KIF26B: variants seen among roughly 807,000 people sequenced by gnomAD.
KIF26B encodes kinesin-like protein KIF26B.
KIF26B carries 63 observed loss-of-function variants against 151.2 expected under a neutral mutation model. That is an observed-to-expected ratio of 0.42 (90% CI 0.34 to 0.51). KIF26B has a LOEUF of 0.51. Ranked by LOEUF, KIF26B falls within the 20% of genes least tolerant of loss-of-function variation. The pLI is 0.07. For synonymous variants in KIF26B, 1,357 were observed against 1,262.1 expected (o/e 1.08, Z -1.59); for missense variants, 2,813 against 2,913.6 (o/e 0.97, Z 0.79).
intron 3 of KIF26B, among the ~76,000 whole-genome samples, chr1:245,368,591 G>A (rs1673019428): frequency 6.6e-6 from 1 of 152,014 alleles, no homozygotes; most frequent in African/African-American, 2.4e-5. Flanking sequence ...GAGACCTCAG[G>A]TTATTTCTCA....
chr1:245,337,544 G>A (rs2102994299), intron 2 of KIF26B, among the ~76,000 whole-genome samples: 1 of 128,222 alleles, frequency 7.8e-6, no homozygotes, highest in Admixed American at 8.8e-5. Flanking sequence ...GTGTGTGTGT[G>A]TGTGTGTGTG....
At chr1:245,365,850 G>T (rs1672937009) in intron 2 of KIF26B, among the ~76,000 whole-genome samples, 1 of 152,160 alleles carries the variant, frequency 6.6e-6, no homozygotes, top group South Asian at 2.1e-4. Flanking sequence ...TGAGGTCACT[G>T]CAGAACTCCA....
intron 3 of KIF26B, among the ~76,000 whole-genome samples, chr1:245,404,049 A>C (rs1199702119): frequency 2.0e-5 from 3 of 152,158 alleles, no homozygotes; most frequent in African/African-American, 7.2e-5. Flanking sequence ...ACACACATGG[A>C]AACACTGCAG....
intron 9 of KIF26B, among the ~76,000 whole-genome samples, chr1:245,624,196 C>G (rs1232824438): frequency 2.0e-5 from 3 of 150,824 alleles, no homozygotes. Context: ...TGAAAACAGT[C>G]TAATATATAT....
chr1:245,552,863 G>C (rs1411861309), intron 5 of KIF26B, among the ~76,000 whole-genome samples: 1 of 152,200 alleles, frequency 6.6e-6, no homozygotes, highest in Non-Finnish European at 1.5e-5. Flanking sequence ...GCCTCCCAAA[G>C]TGTTGGGATT....
At chr1:245,465,801 CG>C (rs1659776416) in intron 4 of KIF26B, among the ~76,000 whole-genome samples, 1 of 152,170 alleles carries the variant, frequency 6.6e-6, no homozygotes, top group Admixed American at 6.5e-5. Context: ...ACCACCACCC[CG>C]AGAGGGAGGA....
At chr1:245,683,123 C>T (rs563935755) in intron 10 of KIF26B, among the ~76,000 whole-genome samples, 5 of 152,172 alleles carry the variant, frequency 3.3e-5, no homozygotes, top group Non-Finnish European at 7.3e-5. Flanking sequence ...AAGCAGGTCA[C>T]GTGTAAAATG....
intron 4 of KIF26B, among the ~76,000 whole-genome samples, chr1:245,428,304 C>T (rs1257844008): frequency 6.6e-6 from 1 of 152,164 alleles, no homozygotes; most frequent in Non-Finnish European, 1.5e-5. Flanking sequence ...TATGGTCTCA[C>T]TTTAACTCAC....
rs191034894 is a variant in KIF26B, at chr1:245,367,444, C to T, written c.999+77C>T. On this transcript the variant is annotated intron_variant, in intron 3 of 14. Transcript: ENST00000407071. This position sits in a 1 kb window ranked among gnomAD's most constrained non-coding sequence, Gnocchi z 4.2. Reference sequence around the variant, plus strand: ...GAGAAGTAGGCAGCACTTCCTTCCGCTGCCTCCTCCCGGGAACCCTGTAAC... The same window carrying T: ...GAGAAGTAGGCAGCACTTCCTTCCGTTGCCTCCTCCCGGGAACCCTGTAAC... 3.1e-5 allele frequency: 40 copies of T among 1,304,648 alleles called. No individual in the cohort carries two copies. The highest frequency in any genetic ancestry group is 4.0e-5 in the Non-Finnish European group (38 of 956,734). 80.8% of individuals were successfully genotyped at this position (1,304,648 alleles called of 1,614,324 possible).
intron 2 of KIF26B, among the ~76,000 whole-genome samples, chr1:245,314,066 G>A (rs1277561439): frequency 6.6e-6 from 1 of 152,166 alleles, no homozygotes; most frequent in Non-Finnish European, 1.5e-5. Context: ...CAGGTCTCAG[G>A]AGGCCTGCTC....
At chr1:245,538,071 C>T (rs1661525156) in intron 4 of KIF26B, among the ~76,000 whole-genome samples, 1 of 152,056 alleles carries the variant, frequency 6.6e-6, no homozygotes, top group South Asian at 2.1e-4. Context: ...TCCTAGAAAC[C>T]GAGCAGAAAG....
intron 2 of KIF26B, among the ~76,000 whole-genome samples, chr1:245,171,328 T>C (rs576709092): frequency 6.6e-6 from 1 of 152,236 alleles, no homozygotes; most frequent in Admixed American, 6.5e-5. Flanking sequence ...CGGATCACGA[T>C]GTCGGGAGTT....
chr1:245,516,708 T>C lies in KIF26B; in HGVS notation c.1167-24059T>C, dbSNP rs539990308. Among the ~76,000 whole-genome samples the C allele has an allele frequency of 6.6e-6, 1 of 152,332 alleles. No individual in the cohort carries two copies. Among genetic ancestry groups the C allele is most frequent in the African/African-American group, 2.4e-5 (1 of 41,576 alleles). Reference sequence around the variant, plus strand: ...GCTGCTCTAAAGGGAAGTTGAGGAATACTGCAAAGCCACAAATCTGAGATG... The same window carrying C: ...GCTGCTCTAAAGGGAAGTTGAGGAACACTGCAAAGCCACAAATCTGAGATG... On this transcript the variant is annotated intron_variant, in intron 4 of 14. Coordinates refer to ENST00000407071, the MANE Select transcript of KIF26B (RefSeq NM_018012.4). The surrounding 1 kb of genome is among the most constrained non-coding windows in gnomAD (Gnocchi z 4.2).
intron 10 of KIF26B, among the ~76,000 whole-genome samples, chr1:245,663,687 C>CTT (rs373609644): frequency 7.0e-4 from 106 of 152,294 alleles, no homozygotes; most frequent in African/African-American, 2.5e-3. Context: ...ACATTCTCAG[C>CTT]TTGAAATATT....
At chr1:245,261,510 T>TCC (rs1458840858) in intron 2 of KIF26B, among the ~76,000 whole-genome samples, 6 of 105,324 alleles carry the variant, frequency 5.7e-5, no homozygotes, top group African/African-American at 1.8e-4. Context: ...TCTCCCTCCC[T>TCC]CCCTCCCTCC....
intron 2 of KIF26B, among the ~76,000 whole-genome samples, chr1:245,213,623 C>G (rs1222455469): frequency 1.3e-5 from 2 of 152,188 alleles, no homozygotes; most frequent in East Asian, 3.9e-4. Context: ...GCAGAGCCTT[C>G]CTTCACCGGA....
chr1:245,552,122 G>GATGTGT (rs1553287299), intron 5 of KIF26B, among the ~76,000 whole-genome samples: 13,075 of 131,586 alleles, frequency 0.099, 1,251 homozygotes, highest in Non-Finnish European at 0.13. Context: ...GAACCAGCAG[G>GATGTGT]GTGTGTGTGT....
chr1:245,474,790 C>G (rs1369157249), intron 4 of KIF26B, among the ~76,000 whole-genome samples: 1 of 151,788 alleles, frequency 6.6e-6, no homozygotes, highest in Non-Finnish European at 1.5e-5. Context: ...CTCCCATCCC[C>G]GCTGCCCATC....
At chr1:245,647,741 T>C (rs923884017) in intron 10 of KIF26B, among the ~76,000 whole-genome samples, 5 of 152,160 alleles carry the variant, frequency 3.3e-5, no homozygotes, top group African/African-American at 1.2e-4. Flanking sequence ...CTCAGCCCTA[T>C]GTTGATGCCA....
Sources: gnomAD v4.1 joint callset for allele counts (sites outside exome capture counted in the v4.1 genomes callset) on GRCh38, gnomAD v4.1.1 for gene constraint, Gnocchi (gnomAD v3.1) non-coding constraint, MANE v1.5 for transcripts, NCBI Gene and HGNC (gene_info 2026-07-23, HGNC 2026-07-21) for gene names.